SNX29: variants seen among roughly 807,000 people sequenced by gnomAD.
The protein encoded by SNX29 is sorting nexin 29.
Under a neutral mutation model 102.1 loss-of-function variants are expected in SNX29, and 78 were observed. The observed-to-expected ratio is 0.76, with a 90% CI of 0.64 to 0.92. The LOEUF (loss-of-function observed/expected upper bound fraction) is 0.92. SNX29 is among the 40% of genes least tolerant of loss of function. The pLI is 0.00. For missense variants in SNX29, 1,280 were observed against 1,061.7 expected, an observed-to-expected ratio of 1.21 and a Z score of -2.86; for synonymous variants, 580 against 414.5, an observed-to-expected ratio of 1.40 and a Z score of -4.85.
intron 18 of SNX29, among the ~76,000 whole-genome samples, chr16:12,471,679 G>A (rs538835035): frequency 8.8e-4 from 134 of 152,366 alleles, no homozygotes; most frequent in African/African-American, 3.1e-3. Flanking sequence ...CCCGAGGACA[G>A]CGAAGGCAGG....
chr16:12,569,421 T>G lies in SNX29; in HGVS notation c.*792T>G, dbSNP rs2079137964. On this transcript the variant is annotated 3_prime_UTR_variant, in exon 21 of 21. Transcript: ENST00000566228. ...GCAGCAACCTAGTAACCCGGCGTCATCCAGCGTGTCCAAAGTAGCATTGGC... is the reference window on the plus strand; with the variant it reads ...GCAGCAACCTAGTAACCCGGCGTCAGCCAGCGTGTCCAAAGTAGCATTGGC... 4.3e-6 allele frequency: 1 copy of G among 230,268 alleles called. No homozygotes were observed. 14.3% of individuals were successfully genotyped at this position (230,268 alleles called of 1,614,324 possible). A position where few individuals can be genotyped will look rare whatever the true frequency, so the allele number is the denominator to read the frequency against.
At chr16:12,093,303 C>T (rs2052635787) in intron 11 of SNX29, among the ~76,000 whole-genome samples, 1 of 152,206 alleles carries the variant, frequency 6.6e-6, no homozygotes, top group African/African-American at 2.4e-5. Flanking sequence ...AGGCAGACCA[C>T]AGCACTGCTG....
chr16:12,562,381 A>G (rs1397938426), intron 20 of SNX29, among the ~76,000 whole-genome samples: 1 of 139,640 alleles, frequency 7.2e-6, no homozygotes, highest in East Asian at 2.3e-4. Flanking sequence ...TTTTTAAAAC[A>G]GCTCAAGAGA....
chr16:12,524,598 T>G, intron 19 of SNX29, 104 bp from the exon 20 acceptor site: 1 of 1,359,898 alleles, frequency 7.4e-7, no homozygotes, highest in Non-Finnish European at 9.9e-7. Context: ...TCAATCAGTG[T>G]TGGTTGCCTG....
intron 18 of SNX29, among the ~76,000 whole-genome samples, chr16:12,457,536 T>C (rs2086592370): frequency 6.6e-6 from 1 of 152,136 alleles, no homozygotes; most frequent in Non-Finnish European, 1.5e-5. Context: ...CAGGACAGGG[T>C]GGTCTGGAGG....
intron 20 of SNX29, among the ~76,000 whole-genome samples, chr16:12,544,749 G>T (rs1415585203): frequency 6.6e-6 from 1 of 152,188 alleles, no homozygotes; most frequent in Non-Finnish European, 1.5e-5. Flanking sequence ...AGAGGTGAAG[G>T]GACGTGCTCT....
At chr16:12,522,490 C>T (rs1797419861) in intron 19 of SNX29, among the ~76,000 whole-genome samples, 1 of 152,092 alleles carries the variant, frequency 6.6e-6, no homozygotes, top group African/African-American at 2.4e-5. Flanking sequence ...CCCAAATCTC[C>T]TGTCGAATTG....
At chr16:12,174,776 A>G (rs1188573621) in intron 13 of SNX29, among the ~76,000 whole-genome samples, 2 of 152,200 alleles carry the variant, frequency 1.3e-5, no homozygotes, top group African/African-American at 4.8e-5. Flanking sequence ...TGGATGTGGG[A>G]TCTGTGCCAT....
intron 20 of SNX29, among the ~76,000 whole-genome samples, chr16:12,555,803 G>A (rs2078303314): frequency 1.3e-5 from 2 of 150,992 alleles, no homozygotes; most frequent in Non-Finnish European, 2.9e-5. Context: ...ACTCCTGCCT[G>A]CCTCTGCAAG....
intron 18 of SNX29, among the ~76,000 whole-genome samples, chr16:12,441,935 C>A (rs774430106): frequency 1.3e-5 from 2 of 152,128 alleles, no homozygotes; most frequent in Admixed American, 6.5e-5. Context: ...ATTAAAGACA[C>A]CTGCCATTAT....
intron 13 of SNX29, among the ~76,000 whole-genome samples, chr16:12,191,714 G>A (rs1036997058): frequency 1.3e-5 from 2 of 152,162 alleles, no homozygotes; most frequent in Non-Finnish European, 2.9e-5. Context: ...GGGAAAAATG[G>A]TTTTTCAACA....
rs560458045 is a variant in SNX29, at chr16:12,572,131, C to T, written c.*3502C>T. The T allele has an allele frequency of 3.9e-6, 4 of 1,020,494 alleles. No homozygotes were observed. The South Asian group carries it at 1.9e-4, about 48-fold the overall frequency. 63.2% of individuals were successfully genotyped at this position (1,020,494 alleles called of 1,614,324 possible). On this transcript the variant is annotated 3_prime_UTR_variant, in exon 21 of 21. Coordinates refer to ENST00000566228, the MANE Select transcript of SNX29 (RefSeq NM_032167.5). ...CTGATCACAGCCCTTGGCCCTGCTT[C>T]ATACTTTGGAGCTTATTAAGATCAA...
intron 20 of SNX29, among the ~76,000 whole-genome samples, chr16:12,565,367 G>A (rs934411192): frequency 1.3e-5 from 2 of 152,136 alleles, no homozygotes; most frequent in Admixed American, 6.5e-5. Context: ...TGAAGCCCCT[G>A]GTCTAGCCAG....
intron 19 of SNX29, among the ~76,000 whole-genome samples, chr16:12,478,486 TC>T (rs2087760305): frequency 6.6e-6 from 1 of 152,226 alleles, no homozygotes; most frequent in South Asian, 2.1e-4. Flanking sequence ...TCATCCCGGT[TC>T]CCTTGAGGAA....
intron 11 of SNX29, among the ~76,000 whole-genome samples, chr16:12,114,375 C>T (rs2053611777): frequency 6.6e-6 from 1 of 152,146 alleles, no homozygotes; most frequent in African/African-American, 2.4e-5. Context: ...GCCATGCTGG[C>T]TTTGCCCCAA....
At position 12,321,982 on chromosome 16, in the gene SNX29, C is replaced by A. The variant is rs184242346; in HGVS notation, c.1783-34181C>A. Among the ~76,000 whole-genome samples the A allele has an allele frequency of 1.4e-3, 206 of 152,222 alleles. 3 individuals are homozygous for A. Among genetic ancestry groups the A allele is most frequent in the Non-Finnish European group, 7.2e-4 (49 of 68,006 alleles). ...ACATCAAAGCACCTGTCGTGGTTCA[C>A]GTGATGGTGAAGTCCAGGTAAGGGG... On this transcript the variant is annotated intron_variant, in intron 15 of 20. Transcript: ENST00000566228.
Position 11,985,336 on chromosome 16 carries a change from C to G in SNX29, c.7+8523C>G, listed in dbSNP as rs148695752. 3.3e-3 allele frequency among the ~76,000 whole-genome samples: 502 copies of G among 152,194 alleles called. 5 individuals carry two copies. Among genetic ancestry groups the G allele is most frequent in the African/African-American group, 0.011 (464 of 41,506 alleles). On this transcript the variant is annotated intron_variant, in intron 1 of 20. Coordinates refer to ENST00000566228, the MANE Select transcript of SNX29 (RefSeq NM_032167.5). ...TGAAGCAAAAGGATGTTGTTGGGACCGTGCTGAGTGTGTTAGCCAGGGCTC... is the reference window on the plus strand; with the variant it reads ...TGAAGCAAAAGGATGTTGTTGGGACGGTGCTGAGTGTGTTAGCCAGGGCTC...
chr16:12,472,529 CA>C (rs60223249), intron 18 of SNX29, among the ~76,000 whole-genome samples: 1,668 of 72,948 alleles, frequency 0.023, 20 homozygotes, highest in African/African-American at 0.063. Flanking sequence ...AAAAAAAAAC[CA>C]AAAAAAAAAA....
At chr16:12,286,785 C>T (rs2079612696) in intron 15 of SNX29, among the ~76,000 whole-genome samples, 1 of 152,132 alleles carries the variant, frequency 6.6e-6, no homozygotes, top group African/African-American at 2.4e-5. Context: ...TGTATCCCGT[C>T]CCACCCATCA....
Sources: allele counts gnomAD v4.1 joint callset (sites outside exome capture counted in the v4.1 genomes callset), GRCh38; gene constraint gnomAD v4.1.1; transcripts MANE v1.5; gene names NCBI Gene and HGNC (gene_info 2026-07-23, HGNC 2026-07-21).